PAX6: variants seen among roughly 807,000 people sequenced by gnomAD.
PAX6 encodes paired box 6.
PAX6 carries 7 observed loss-of-function variants against 60.7 expected under a neutral mutation model. The observed-to-expected ratio is 0.12, with a 90% confidence interval of 0.07 to 0.22. The LOEUF (loss-of-function observed/expected upper bound fraction) is 0.22. Ranked by LOEUF, PAX6 falls within the 10% of genes least tolerant of loss-of-function variation. The probability of loss-of-function intolerance (pLI) is 1.00; values close to 1 mark genes in which losing one functional copy is unlikely to be tolerated. For synonymous variants in PAX6, 208 were observed against 201.2 expected (o/e 1.03, Z -0.29); for missense variants, 355 against 555.2 (o/e 0.64, Z 3.62).
upstream of PAX6, among the ~76,000 whole-genome samples, chr11:31,815,278 T>G (rs1957323662): frequency 6.6e-6 from 1 of 152,322 alleles, no homozygotes; most frequent in Non-Finnish European, 1.5e-5. Context: ...GCTTTCCATT[T>G]CATCACCCTG....
rs1389745806 is a variant in PAX6, at chr11:31,789,346, A to G, written c.*588T>C. On this transcript the variant is annotated 3_prime_UTR_variant, in exon 14 of 14. Coordinates refer to ENST00000640368, the MANE Select transcript of PAX6 (RefSeq NM_001368894.2). ...AACTTTTTTTCTTCCTTGAATTTAT[A>G]TCTTACCCTTTTTTGCACATAAACT... 8 of 267,258 alleles carry G rather than the reference A, an allele frequency of 3.0e-5. No homozygotes were observed. Among genetic ancestry groups the G allele is most frequent in the African/African-American group, 1.5e-4 (7 of 46,152 alleles). 16.6% of individuals were successfully genotyped at this position (267,258 alleles called of 1,614,324 possible).
chr11:31,790,240 C>A (rs1274050372), intron 13 of PAX6: 5 of 530,766 alleles, frequency 9.4e-6, no homozygotes, highest in Non-Finnish European at 1.3e-5. Context: ...AAGTACCCCC[C>A]ACCCCAATCC....
At chr11:31,800,604 G>T (rs1268965705) in intron 8 of PAX6, 87 bp downstream of exon 8, 4 of 1,472,572 alleles carry the variant, frequency 2.7e-6, no homozygotes, top group Admixed American at 1.7e-5. Flanking sequence ...AAGCATGGAA[G>T]CCCTGAGAGG....
At chr11:31,791,376 T>C (rs1565190562) in intron 12 of PAX6, 6 of 213,758 alleles carry the variant, frequency 2.8e-5, no homozygotes, top group Non-Finnish European at 4.8e-5. Flanking sequence ...AAGAAGCAGA[T>C]CTGTAATGAC....
At position 31,794,071 on chromosome 11, in the gene PAX6, T is replaced by C. The variant is rs757591036; in HGVS notation, c.768A>G (p.Arg256=). The change falls in exon 10 of 14, where the codon AGA becomes AGG. Residue 256 remains arginine (R), a synonymous_variant. Coordinates refer to ENST00000640368, the MANE Select transcript of PAX6 (RefSeq NM_001368894.2). ...CAGGTAGATCTATTTTGGCTGCTAG[T>C]CTTTCTCGGGCAAACACATCTGGAT... is the stretch of plus-strand genomic sequence containing the variant. ...THYPDVFARE[R]LAAKIDLPEA... The C allele has an allele frequency of 8.7e-6, 14 of 1,612,452 alleles. No homozygotes were observed. Among genetic ancestry groups the C allele is most frequent in the Non-Finnish European group, 1.1e-5 (13 of 1,178,540 alleles).
intron 9 of PAX6, 182 bp from the exon 10 acceptor site, chr11:31,794,296 T>C: frequency 1.5e-6 from 1 of 672,586 alleles, no homozygotes; most frequent in Non-Finnish European, 2.7e-6. Flanking sequence ...TTAAATTTTC[T>C]TTGGAATGGC....
rs765971531 is a variant in PAX6 at position 31,793,564 on chromosome 11, G to C, written c.959-11C>G. On this transcript the variant is annotated splice_polypyrimidine_tract_variant and intron_variant, in intron 11 of 13. Transcript: ENST00000640368. ...ATGTGAAGGAGGAAACTGAGGGCAA[G>C]AGAAATGACAGTAGTCAGAGTGAGA... 2 of 1,613,972 alleles carry C rather than the reference G, an allele frequency of 1.2e-6. No individual in the cohort carries two copies. The highest frequency in any genetic ancestry group is 4.5e-5 in the East Asian group (2 of 44,894).
At chr11:31,808,337 A>C (rs911899742) in intron 2 of PAX6, 2 of 152,242 alleles carry the variant, frequency 1.3e-5, no homozygotes, top group Admixed American at 6.5e-5. Flanking sequence ...CATTGGGTAA[A>C]TACTGGCCAC....
chr11:31,808,996 A>G (rs1452373667), intron 2 of PAX6, among the ~76,000 whole-genome samples: 1 of 152,204 alleles, frequency 6.6e-6, no homozygotes, highest in African/African-American at 2.4e-5. Flanking sequence ...TTGGACCACA[A>G]GAGAGTGGTC....
At chr11:31,791,891 T>A (rs1228287586) in intron 12 of PAX6, 1 of 152,260 alleles carries the variant, frequency 6.6e-6, no homozygotes, top group East Asian at 1.9e-4. Context: ...TGATTTTCTT[T>A]ATGCTTAATG....
At chr11:31,793,896 G>A (rs527907761) in intron 10 of PAX6, 94 bp from the exon 11 acceptor site, 5 of 1,460,314 alleles carry the variant, frequency 3.4e-6, no homozygotes, top group Non-Finnish European at 4.8e-6. Context: ...GCCCATGGCA[G>A]CAGAGCATTT....
intron 8 of PAX6, among the ~76,000 whole-genome samples, chr11:31,797,724 T>A (rs1397384378): frequency 6.6e-6 from 1 of 152,172 alleles, no homozygotes; most frequent in African/African-American, 2.4e-5. Flanking sequence ...TGGATTTGCC[T>A]TCCACTCTTA....
rs958856806 is a variant in PAX6, at chr11:31,810,332, C to G, written c.-129+496G>C. 2.0e-5 allele frequency: 3 copies of G among 152,258 alleles called. No individual in the cohort carries two copies. The East Asian group carries it at 5.8e-4, about 29-fold the overall frequency. 9.4% of individuals were successfully genotyped at this position (152,258 alleles called of 1,614,324 possible). Reference sequence around the variant, plus strand: ...AGACGCGGCGAGCAGGTTCCCTCGGCGCTCCCTCGGCGAGTCCTCGGAGCG... The same window carrying G: ...AGACGCGGCGAGCAGGTTCCCTCGGGGCTCCCTCGGCGAGTCCTCGGAGCG... On this transcript the variant is annotated intron_variant, in intron 2 of 13. Transcript: ENST00000640368.
chr11:31,800,646 G>A (rs758275734), intron 8 of PAX6, 45 bp downstream of exon 8: 1 of 1,608,282 alleles, frequency 6.2e-7, no homozygotes, highest in Admixed American at 1.7e-5. Context: ...ACAGGCAAAG[G>A]GATGCACATA....
chr11:31,813,321 C>A (rs1329649738), upstream of PAX6, among the ~76,000 whole-genome samples: 1 of 139,220 alleles, frequency 7.2e-6, no homozygotes, highest in East Asian at 2.1e-4. Context: ...ACTTTCCAAG[C>A]GAGCATTAAA....
intron 2 of PAX6, chr11:31,810,527 G>A: frequency 4.5e-6 from 1 of 223,016 alleles, no homozygotes; most frequent in Non-Finnish European, 8.7e-6. Context: ...TGTCGCGCCT[G>A]GAGTCTCCCT....
At chr11:31,799,523 T>A (rs1215566761) in intron 8 of PAX6, among the ~76,000 whole-genome samples, 1 of 152,234 alleles carries the variant, frequency 6.6e-6, no homozygotes, top group African/African-American at 2.4e-5. Flanking sequence ...AGACGCTTAT[T>A]CATGTCGCCT....
At chr11:31,807,029 G>A (rs1477985064) in intron 2 of PAX6, 104 bp from the exon 3 acceptor site, 1 of 152,268 alleles carries the variant, frequency 6.6e-6, no homozygotes, top group South Asian at 2.1e-4. Flanking sequence ...CATGCATCTA[G>A]GGCTCAGTCA....
At chr11:31,802,583 A>C in intron 5 of PAX6, 121 bp downstream of exon 5, 5 of 893,266 alleles carry the variant, frequency 5.6e-6, no homozygotes, top group Non-Finnish European at 7.7e-6. Flanking sequence ...GGGACTGGGG[A>C]CTGGGGTGGG....
Sources: gnomAD v4.1 joint callset for allele counts (sites outside exome capture counted in the v4.1 genomes callset) on GRCh38, gnomAD v4.1.1 for gene constraint, MANE v1.5 for transcripts, NCBI Gene and HGNC (gene_info 2026-07-23, HGNC 2026-07-21) for gene names.